The following ACYP2 variants were observed in gnomAD, a reference collection of about 807,000 sequenced individuals.
ACYP2 encodes acylphosphatase-2.
A neutral mutation model predicts 11.2 loss-of-function variants in ACYP2; 12 were observed. That is an observed-to-expected ratio of 1.08 (90% CI 0.69 to 1.74). ACYP2 has a LOEUF of 1.74. Among genes scored for constraint, ACYP2 ranks in the 40% most tolerant of loss-of-function variants. ACYP2 has a pLI of 0.00. For missense variants in ACYP2, 134 were observed against 101.9 expected (o/e 1.31, Z -1.35); for synonymous variants, 43 against 32.2 (o/e 1.33, Z -1.13).
At chr2:54,243,119 T>C (rs868086403) in intron 6 of ACYP2, among the ~76,000 whole-genome samples, 26 of 152,344 alleles carry the variant, frequency 1.7e-4, no homozygotes, top group South Asian at 1.0e-3. Flanking sequence ...AAGTTTGACA[T>C]TTTTCGTTTG....
At chr2:54,043,856 G>A (rs763060173) in intron 2 of ACYP2, among the ~76,000 whole-genome samples, 75 of 152,066 alleles carry the variant, frequency 4.9e-4, no homozygotes, top group Non-Finnish European at 4.0e-4. Context: ...GAAGAGTCTC[G>A]GCTGGGGGCT....
intron 2 of ACYP2, among the ~76,000 whole-genome samples, chr2:53,994,105 C>G (rs1252340120): frequency 6.6e-6 from 1 of 151,814 alleles, no homozygotes; most frequent in South Asian, 2.1e-4. Flanking sequence ...CCAAGGCGGG[C>G]GGATCCCGAG....
chr2:54,299,444 T>C (rs1468126310), intron 6 of ACYP2, among the ~76,000 whole-genome samples: 1 of 151,610 alleles, frequency 6.6e-6, no homozygotes, highest in Non-Finnish European at 1.5e-5. Flanking sequence ...ATACAAAAAT[T>C]AGCTGGGCAT....
At chr2:54,054,163 G>A (rs1356718243) in intron 3 of ACYP2, among the ~76,000 whole-genome samples, 1 of 152,194 alleles carries the variant, frequency 6.6e-6, no homozygotes, top group Non-Finnish European at 1.5e-5. Flanking sequence ...GCTGGTAAGG[G>A]TTTAAGACGT....
chr2:54,144,543 A>T (rs751808177), intron 6 of ACYP2, among the ~76,000 whole-genome samples: 8 of 151,862 alleles, frequency 5.3e-5, no homozygotes, highest in Non-Finnish European at 1.0e-4. Context: ...GCGTGGTGGT[A>T]CACACCTGTA....
intron 6 of ACYP2, among the ~76,000 whole-genome samples, chr2:54,196,188 C>G (rs1047352184): frequency 6.6e-6 from 1 of 152,004 alleles, no homozygotes; most frequent in African/African-American, 2.4e-5. Flanking sequence ...TCTGCCATAC[C>G]TTGATATTTA....
At chr2:54,186,321 C>T (rs1166722848) in intron 6 of ACYP2, among the ~76,000 whole-genome samples, 4 of 151,674 alleles carry the variant, frequency 2.6e-5, no homozygotes, top group African/African-American at 9.7e-5. Context: ...AGAGAAATAG[C>T]TTCTCTCAGG....
At chr2:53,982,675 A>T (rs1477958470) in intron 2 of ACYP2, among the ~76,000 whole-genome samples, 6 of 152,158 alleles carry the variant, frequency 3.9e-5, no homozygotes, top group South Asian at 2.1e-4. Flanking sequence ...TCTCATCTCT[A>T]ACCTTTGACT....
chr2:54,019,872 G>A (rs192865140), intron 2 of ACYP2, among the ~76,000 whole-genome samples: 194 of 150,794 alleles, frequency 1.3e-3, no homozygotes, highest in Admixed American at 2.1e-3. Flanking sequence ...CACCTGCCTC[G>A]GCCTTCCAAA....
chr2:54,128,206 G>A (rs1680659133), intron 4 of ACYP2, among the ~76,000 whole-genome samples: 1 of 152,132 alleles, frequency 6.6e-6, no homozygotes, highest in East Asian at 1.9e-4. Context: ...AGCATGCACT[G>A]GTTTTTCTTT....
chr2:54,021,069 G>T (rs1349932374), intron 2 of ACYP2, among the ~76,000 whole-genome samples: 1 of 152,176 alleles, frequency 6.6e-6, no homozygotes, highest in Non-Finnish European at 1.5e-5. Flanking sequence ...GATGCAGGTA[G>T]CCCCTACTGC....
At chr2:54,166,221 C>A (rs1682968094) in intron 6 of ACYP2, among the ~76,000 whole-genome samples, 1 of 152,158 alleles carries the variant, frequency 6.6e-6, no homozygotes, top group African/African-American at 2.4e-5. Flanking sequence ...TTTGATACAG[C>A]ATGAGGTGAT....
intron 4 of ACYP2, chr2:54,057,371 A>T (rs1676209345): frequency 2.5e-6 from 1 of 397,746 alleles, no homozygotes; most frequent in South Asian, 1.3e-4. Context: ...GTAAGTCTTC[A>T]AAATAAATAC....
At chr2:54,065,591 A>C (rs1415183782) in intron 4 of ACYP2, 1 of 398,270 alleles carries the variant, frequency 2.5e-6, no homozygotes, top group African/African-American at 2.1e-5. Flanking sequence ...TTGATTCAAC[A>C]GATCCCTGGG....
chr2:54,155,850 C>T (rs1027154354), intron 6 of ACYP2, among the ~76,000 whole-genome samples: 1 of 152,092 alleles, frequency 6.6e-6, no homozygotes, highest in African/African-American at 2.4e-5. Context: ...ATGTTAATTT[C>T]CACATATTTG....
chr2:54,260,382 A>G (rs1687726970), intron 6 of ACYP2, among the ~76,000 whole-genome samples: 1 of 152,170 alleles, frequency 6.6e-6, no homozygotes. Flanking sequence ...TTGTCAGACA[A>G]TGTTAAAGTC....
rs377762106 is a variant in ACYP2 at position 54,256,010 on chromosome 2, C to T, written c.405-48678C>T. Reference sequence around the variant, plus strand: ...TCTGGAAGCCGGGGCGGTGGGAACACGATTGGCTCCAAGCGGCCATCAAAC... The same window carrying T: ...TCTGGAAGCCGGGGCGGTGGGAACATGATTGGCTCCAAGCGGCCATCAAAC... On this transcript the variant is annotated intron_variant, in intron 6 of 6. Coordinates refer to ENST00000607452, the MANE Select transcript of ACYP2 (RefSeq NM_001320586.2). 2.5e-6 allele frequency: 4 copies of T among 1,614,190 alleles called. No individual in the cohort carries two copies. The highest frequency in any genetic ancestry group is 1.7e-5 in the Admixed American group (1 of 60,026).
intron 2 of ACYP2, among the ~76,000 whole-genome samples, chr2:54,014,139 C>G (rs1558472022): frequency 6.7e-6 from 1 of 149,758 alleles, no homozygotes; most frequent in African/African-American, 2.5e-5. Flanking sequence ...GCCTGGCAGA[C>G]AAGAGCAAAA....
intron 4 of ACYP2, among the ~76,000 whole-genome samples, chr2:54,089,464 A>T (rs1678108508): frequency 6.6e-6 from 1 of 152,044 alleles, no homozygotes; most frequent in African/African-American, 2.4e-5. Flanking sequence ...ATTGTATTTT[A>T]TGGCTGGTGC....
Sources: gnomAD v4.1 joint callset for allele counts (sites outside exome capture counted in the v4.1 genomes callset) on GRCh38, gnomAD v4.1.1 for gene constraint, MANE v1.5 for transcripts, NCBI Gene and HGNC (gene_info 2026-07-23, HGNC 2026-07-21) for gene names.